Variants in EXOC6B observed in about 807,000 individuals in gnomAD.
EXOC6B encodes exocyst complex component 6B, also known as SEC15 homolog B.
A neutral mutation model predicts 113.5 loss-of-function variants in EXOC6B; 54 were observed. The observed-to-expected ratio is 0.48, with a 90% confidence interval of 0.38 to 0.60. The LOEUF is 0.60. Among genes scored for constraint, EXOC6B ranks in the 20% least tolerant of loss-of-function variants. EXOC6B has a pLI of 0.00. For synonymous variants in EXOC6B, 357 were observed against 339.0 expected (o/e 1.05, Z -0.58); for missense variants, 797 against 977.5 (o/e 0.82, Z 2.46).
intron 8 of EXOC6B, 181 bp from the exon 9 acceptor site, chr2:72,515,307 T>C (rs939679818): frequency 1.2e-6 from 1 of 863,600 alleles, no homozygotes; most frequent in Non-Finnish European, 1.7e-6. Context: ...TATTGAACCT[T>C]AGTTACAAAC....
intron 17 of EXOC6B, among the ~76,000 whole-genome samples, chr2:72,469,515 GA>G (rs1056873398): frequency 1.1e-4 from 16 of 151,934 alleles, no homozygotes; most frequent in African/African-American, 3.9e-4. Context: ...TGTTTATTTT[GA>G]AATATTTCTC....
In EXOC6B at chr2:72,358,252, AG is replaced by A. The variant is rs547216334; in HGVS notation, c.2122+21476del. Among the ~76,000 whole-genome samples the A allele has an allele frequency of 5.5e-3, 844 of 152,310 alleles. 8 individuals carry two copies. The highest frequency in any genetic ancestry group is 0.019 in the African/African-American group (787 of 41,564). On this transcript the variant is annotated intron_variant, in intron 19 of 21. Coordinates refer to ENST00000272427, the MANE Select transcript of EXOC6B (RefSeq NM_015189.3). ...TTATAACAACTCTCCACAGACATAA[AG>A]CTATCCACGTGCTCCCCCTTCTCAT...
chr2:72,410,026 A>T (rs1447532070), intron 18 of EXOC6B, among the ~76,000 whole-genome samples: 1 of 152,190 alleles, frequency 6.6e-6, no homozygotes, highest in East Asian at 1.9e-4. Flanking sequence ...AATTGCACAC[A>T]GCTTTTCAAT....
chr2:72,668,966 G>A (rs1675589585), intron 6 of EXOC6B, among the ~76,000 whole-genome samples: 1 of 152,058 alleles, frequency 6.6e-6, no homozygotes, highest in African/African-American at 2.4e-5. Context: ...ATGCACCTGT[G>A]GTCCTAGCCA....
chr2:72,767,259 G>A (rs2104927794), intron 1 of EXOC6B, among the ~76,000 whole-genome samples: 1 of 151,912 alleles, frequency 6.6e-6, no homozygotes, highest in Non-Finnish European at 1.5e-5. Context: ...GTGAAACCCC[G>A]TCTCTACTAA....
At chr2:72,307,056 T>C (rs1686906581) in intron 20 of EXOC6B, among the ~76,000 whole-genome samples, 1 of 152,088 alleles carries the variant, frequency 6.6e-6, no homozygotes, top group Non-Finnish European at 1.5e-5. Context: ...TCTTCCTATC[T>C]CTCCTCCACA....
intron 18 of EXOC6B, among the ~76,000 whole-genome samples, chr2:72,428,268 A>C (rs765974406): frequency 5.3e-5 from 8 of 152,198 alleles, no homozygotes; most frequent in Non-Finnish European, 1.2e-4. Context: ...AGGCAAAGAT[A>C]AGGAGACAAG....
At chr2:72,666,592 T>C (rs955450747) in intron 6 of EXOC6B, among the ~76,000 whole-genome samples, 3 of 152,100 alleles carry the variant, frequency 2.0e-5, no homozygotes, top group Non-Finnish European at 4.4e-5. Flanking sequence ...AAACCATCTG[T>C]CTTCACTGAC....
intron 6 of EXOC6B, among the ~76,000 whole-genome samples, chr2:72,658,082 C>T (rs1027404059): frequency 1.3e-5 from 2 of 150,572 alleles, no homozygotes; most frequent in East Asian, 1.9e-4. Flanking sequence ...AATATCCAGT[C>T]CAGCTCTTTA....
chr2:72,208,331 T>C (rs1208969260), intron 20 of EXOC6B, among the ~76,000 whole-genome samples: 1 of 152,100 alleles, frequency 6.6e-6, no homozygotes. Flanking sequence ...ATTGAGAACA[T>C]GCAGTGTTTG....
At chr2:72,774,034 TCAAATGAATA>T (rs1683553201) in intron 1 of EXOC6B, among the ~76,000 whole-genome samples, 1 of 152,220 alleles carries the variant, frequency 6.6e-6, no homozygotes, top group Non-Finnish European at 1.5e-5. Context: ...ATGTTATACT[TCAAATGAATA>T]TTTCACGTGA....
rs548254205 is a variant in EXOC6B at position 72,671,815 on chromosome 2, G to C, written c.669+46288C>G. On this transcript the variant is annotated intron_variant, in intron 6 of 21. Coordinates refer to ENST00000272427, the MANE Select transcript of EXOC6B (RefSeq NM_015189.3). ...AGAAAGAAAGAAAGAAAGAAAGAAA[G>C]AAAGAAGAGAAAAGAAAGAAGGAAA... is the stretch of plus-strand genomic sequence containing the variant. Among the ~76,000 whole-genome samples, 3 of 124,310 alleles carry C rather than the reference G, an allele frequency of 2.4e-5. No individual in the cohort carries two copies. In the South Asian group the frequency reaches 8.0e-4, roughly 33 times the overall value. The allele number at this position is 124,310 out of a possible 152,430, so 81.6% of individuals were successfully genotyped here.
At chr2:72,728,053 G>T (rs1370767683) in intron 5 of EXOC6B, among the ~76,000 whole-genome samples, 1 of 151,920 alleles carries the variant, frequency 6.6e-6, no homozygotes, top group Non-Finnish European at 1.5e-5. Context: ...CGAGAGACTG[G>T]CAAAAACCAA....
chr2:72,630,786 T>C (rs548629342), intron 6 of EXOC6B, among the ~76,000 whole-genome samples: 1 of 152,272 alleles, frequency 6.6e-6, no homozygotes, highest in Non-Finnish European at 1.5e-5. Context: ...AATTAAACAA[T>C]TAAATAGTAG....
At chr2:72,250,364 A>C (rs1682934524) in intron 20 of EXOC6B, among the ~76,000 whole-genome samples, 1 of 152,100 alleles carries the variant, frequency 6.6e-6, no homozygotes, top group Non-Finnish European at 1.5e-5. Context: ...ATTTTTTGAG[A>C]CAGGGTCTTG....
At chr2:72,616,266 G>T (rs539661488) in intron 6 of EXOC6B, among the ~76,000 whole-genome samples, 2 of 150,698 alleles carry the variant, frequency 1.3e-5, no homozygotes, top group Non-Finnish European at 3.0e-5. Flanking sequence ...CACAAAAATA[G>T]AAAAAAAAAT....
intron 8 of EXOC6B, among the ~76,000 whole-genome samples, chr2:72,542,536 A>C (rs1425639590): frequency 6.6e-6 from 1 of 152,250 alleles, no homozygotes; most frequent in Non-Finnish European, 1.5e-5. Context: ...AATTTAAAAT[A>C]AATCAATTCT....
chr2:72,263,190 G>T (rs6546753), intron 20 of EXOC6B: 69,654 of 152,026 alleles, frequency 0.46, 21,019 homozygotes, highest in African/African-American at 0.86. Flanking sequence ...CCTGCCAGAG[G>T]AGGTTAACAA....
intron 7 of EXOC6B, among the ~76,000 whole-genome samples, chr2:72,562,442 G>A (rs1481691864): frequency 6.6e-6 from 1 of 152,058 alleles, no homozygotes; most frequent in Non-Finnish European, 1.5e-5. Flanking sequence ...CTTTGACCCT[G>A]TCTCCCCTCA....
Sources: gnomAD v4.1 joint callset for allele counts (sites outside exome capture counted in the v4.1 genomes callset) on GRCh38, gnomAD v4.1.1 for gene constraint, MANE v1.5 for transcripts, NCBI Gene and HGNC (gene_info 2026-07-23, HGNC 2026-07-21) for gene names.